The following SHARPIN variants were observed in gnomAD, a reference collection of about 807,000 sequenced individuals.
SHARPIN encodes SHANK associated RH domain interactor, also known as hSIPL1.
In SHARPIN, 25 loss-of-function variants were observed where a neutral mutation model predicts 40.3. That is an observed-to-expected ratio of 0.62 (90% CI 0.45 to 0.87). The LOEUF (loss-of-function observed/expected upper bound fraction) is 0.87, where lower values mean the gene tolerates loss of function less well. Ranked by LOEUF, SHARPIN falls within the 40% of genes least tolerant of loss-of-function variation. The pLI, the probability that SHARPIN is intolerant of heterozygous loss-of-function variation, is 0.00. For missense variants in SHARPIN, 551 were observed against 516.1 expected (o/e 1.07, Z -0.66); for synonymous variants, 274 against 221.8 (o/e 1.24, Z -2.09).
In SHARPIN at chr8:144,103,075, C is replaced by T; in HGVS notation, c.352G>A (p.Gly118Ser). 1 of 1,612,908 alleles carries T rather than the reference C, an allele frequency of 6.2e-7. No homozygotes were observed. Among genetic ancestry groups the T allele is most frequent in the Non-Finnish European group, 8.5e-7 (1 of 1,179,792 alleles). The change falls in exon 2 of 9, where the codon GGT (glycine) becomes AGT (serine). Residue 118 changes from glycine to serine, a missense_variant. By Grantham distance (56) the Gly-to-Ser change is moderately conservative. Coordinates refer to ENST00000398712, the MANE Select transcript of SHARPIN (RefSeq NM_030974.4). ...CCATTCTGTCCTTCCACGGTGGCAC[C>T]TCGGACTAGGACTGCCCACCGCTGA... Reference protein sequence around the residue: ...EAQRWAVLVRGATVEGQNGSK... With the variant: ...EAQRWAVLVRSATVEGQNGSK...
rs117299156 is a variant in SHARPIN at position 144,100,763 on chromosome 8, T to C, written c.377-694A>G. 1.9e-3 allele frequency: 286 copies of C among 152,466 alleles called. 3 individuals are homozygous for C. The East Asian group carries it at 0.043, about 23-fold the overall frequency. The allele number at this position is 152,466 out of a possible 1,614,324, so 9.4% of individuals were successfully genotyped here. On this transcript the variant is annotated intron_variant, in intron 2 of 8. Coordinates refer to ENST00000398712, the MANE Select transcript of SHARPIN (RefSeq NM_030974.4). ...CTCACCTCAGGGTTTGTTTGCTGCT[T>C]CCTTGGTCACATGGTTCATGCCATG...
At chr8:144,101,602 T>TAG (rs57151029) in intron 2 of SHARPIN, among the ~76,000 whole-genome samples, 127,102 of 133,056 alleles carry the variant, frequency 0.96, 61,128 homozygotes, top group East Asian at 1. Flanking sequence ...TTTTTTTTAG[T>TAG]AGTCAGGGTT....
intron 2 of SHARPIN, 29 bp from the exon 3 acceptor site, chr8:144,100,098 T>C: frequency 6.5e-7 from 1 of 1,539,126 alleles, no homozygotes; most frequent in Middle Eastern, 1.8e-4. Context: ...TGTGCTGTGC[T>C]GTGGCCTCTG....
Position 144,103,557 on chromosome 8 carries a change from C to G in SHARPIN, c.197G>C (p.Gly66Ala). Residue 66 changes from glycine to alanine, a missense_variant, in exon 1 of 9, where the codon GGG (glycine) becomes GCG (alanine). Physicochemically the swap from Gly to Ala is moderately conservative, Grantham distance 60. Coordinates refer to ENST00000398712, the MANE Select transcript of SHARPIN (RefSeq NM_030974.4). The part of the protein sequence containing the change: ...FRLELLGAGP[G>A]AVNLEWPLES... The stretch of plus-strand genomic sequence containing the variant: ...GCGCCCTCCGCCCCCACTCACCGCC[C>G]CAGGTCCCGCGCCCAGCAGCTCCAG... The G allele has an allele frequency of 2.0e-6, 3 of 1,531,808 alleles. No homozygotes were observed. Among genetic ancestry groups the G allele is most frequent in the Non-Finnish European group, 1.7e-6 (2 of 1,145,592 alleles). The allele number at this position is 1,531,808 out of a possible 1,614,324, so 94.9% of individuals were successfully genotyped here.
intron 2 of SHARPIN, among the ~76,000 whole-genome samples, chr8:144,101,403 A>ATTTTTT (rs34270727): frequency 6.5e-5 from 6 of 92,418 alleles, no homozygotes; most frequent in Non-Finnish European, 1.2e-4. Context: ...CACTCAGCTA[A>ATTTTTT]TTTTTTTTTT....
intron 1 of SHARPIN, 60 bp downstream of exon 1, chr8:144,103,493 T>C: frequency 2.7e-6 from 4 of 1,496,310 alleles, no homozygotes; most frequent in South Asian, 1.2e-5. Flanking sequence ...GGCCTAACTT[T>C]GGGCTCCGTG....
rs1020444088 is a variant in SHARPIN at position 144,100,182 on chromosome 8, C to T, written c.377-113G>A. On this transcript the variant is annotated intron_variant, in intron 2 of 8. Coordinates refer to ENST00000398712, the MANE Select transcript of SHARPIN (RefSeq NM_030974.4). ...ACCTCAGTCCATGCCAGGGCCCTGC[C>T]TCAGGCCACACTTCTAGCCACACCT... is the stretch of plus-strand genomic sequence containing the variant. 10 of 1,343,108 alleles carry T rather than the reference C, an allele frequency of 7.4e-6. No homozygotes were observed. In the African/African-American group the frequency reaches 1.5e-4, roughly 20 times the overall value. The allele number at this position is 1,343,108 out of a possible 1,614,324, so 83.2% of individuals were successfully genotyped here. A position where few individuals can be genotyped will look rare whatever the true frequency, so the allele number is the denominator to read the frequency against.
chr8:144,098,772 C>T lies in SHARPIN; in HGVS notation c.*29G>A. Reference sequence around the variant, plus strand: ...GATGTCGGACTTGTGAGGGAAGGGCCACTCTCCCCTTGTAACCTGTGGGGG... The same window carrying T: ...GATGTCGGACTTGTGAGGGAAGGGCTACTCTCCCCTTGTAACCTGTGGGGG... On this transcript the variant is annotated 3_prime_UTR_variant, in exon 9 of 9. Coordinates refer to ENST00000398712, the MANE Select transcript of SHARPIN (RefSeq NM_030974.4). The T allele has an allele frequency of 1.2e-6, 1 of 840,690 alleles. No homozygotes were observed. The highest frequency in any genetic ancestry group is 1.8e-6 in the Non-Finnish European group (1 of 550,860). The allele number at this position is 840,690 out of a possible 1,614,324, so 52.1% of individuals were successfully genotyped here.
At chr8:144,102,167 C>A (rs964700933) in intron 2 of SHARPIN, among the ~76,000 whole-genome samples, 1 of 152,154 alleles carries the variant, frequency 6.6e-6, no homozygotes, top group East Asian at 1.9e-4. Flanking sequence ...GAGTTCAAGG[C>A]TCCAGTGAGT....
rs770546108 is a variant in SHARPIN at position 144,099,727 on chromosome 8, G to C, written c.635C>G (p.Ala212Gly). Residue 212 changes from alanine to glycine, a missense_variant, in exon 4 of 9, where the codon GCC (alanine) becomes GGC (glycine). Physicochemically the swap from Ala to Gly is moderately conservative, Grantham distance 60. Transcript: ENST00000398712. Reference protein sequence around the residue: ...RVALSVQLQEACFPPGPIRLQ... With the variant: ...RVALSVQLQEGCFPPGPIRLQ... ...CCTGATGGGGCCAGGTGGGAAGCAG[G>C]CCTCCTGAAGCTGAACACTCAGGGC... 5 of 1,613,380 alleles carry C rather than the reference G, an allele frequency of 3.1e-6. No individual in the cohort carries two copies. In the African/African-American group the frequency reaches 6.7e-5, roughly 22 times the overall value.
chr8:144,098,743 TG>T lies in SHARPIN; in HGVS notation c.*57del. On this transcript the variant is annotated 3_prime_UTR_variant, in exon 9 of 9. Coordinates refer to ENST00000398712, the MANE Select transcript of SHARPIN (RefSeq NM_030974.4). ...AGGTCCCCGGAGTTCAGTGGGGGCC[TG>T]GAGATGTCGGACTTGTGAGGGAAGG... 1 of 639,166 alleles carries T rather than the reference TG, an allele frequency of 1.6e-6. No homozygotes were observed. Among genetic ancestry groups the T allele is most frequent in the Non-Finnish European group, 2.6e-6 (1 of 384,670 alleles). 39.6% of individuals were successfully genotyped at this position (639,166 alleles called of 1,614,324 possible).
chr8:144,102,074 T>G (rs1471034358), intron 2 of SHARPIN, among the ~76,000 whole-genome samples: 4 of 152,108 alleles, frequency 2.6e-5, no homozygotes, highest in Admixed American at 2.0e-4. Context: ...ACTCTTCCAT[T>G]TAAGCAGCCA....
At chr8:144,103,322 G>C (rs184688195) in intron 1 of SHARPIN, 97 bp from the exon 2 acceptor site, 2 of 1,372,930 alleles carry the variant, frequency 1.5e-6, no homozygotes, top group East Asian at 2.4e-5. Context: ...CCATTTACAC[G>C]GTCCTAAGCC....
At position 144,099,363 on chromosome 8, in the gene SHARPIN, G is replaced by A. The variant is rs767558066; in HGVS notation, c.836C>T (p.Pro279Leu). The change falls in exon 6 of 9, where the codon CCT (proline) becomes CTT (leucine). Residue 279 changes from proline (P) to leucine (L), a missense_variant. Pro to Leu is a moderately conservative substitution (Grantham distance 98). Transcript: ENST00000398712. ...RWVIGRCLCV[P>L]ERSLASYGVR... is the part of the protein sequence containing the mutation. ...CCCGTAAGAGGCAAGGCTGCGCTCA[G>A]GCACACACAGGCACCGTCCGATGAC... The A allele has an allele frequency of 1.2e-6, 2 of 1,613,894 alleles. No homozygotes were observed. Among genetic ancestry groups the A allele is most frequent in the East Asian group, 4.5e-5 (2 of 44,902 alleles).
In SHARPIN at chr8:144,099,997, G is replaced by C; in HGVS notation, c.449C>G (p.Ala150Gly). The C allele has an allele frequency of 1.2e-6, 2 of 1,609,578 alleles. No homozygotes were observed. The highest frequency in any genetic ancestry group is 1.7e-6 in the Non-Finnish European group (2 of 1,177,854). The part of the protein sequence containing the change: ...CPVSLPSPPE[A>G]STLKGPPPEA... ...AGGTGGAGGGCCCTTGAGTGTGGAG[G>C]CTTCCGGGGGACTGGGCAGGGAGAC... The change falls in exon 3 of 9, where the codon GCC becomes GGC. Residue 150 changes from alanine to glycine, a missense_variant. Physicochemically the swap from Ala to Gly is moderately conservative, Grantham distance 60 (BLOSUM62 0). Coordinates refer to ENST00000398712, the MANE Select transcript of SHARPIN (RefSeq NM_030974.4).
At position 144,099,912 on chromosome 8, in the gene SHARPIN, C is replaced by T. The variant is rs1564313886; in HGVS notation, c.517+17G>A. ...CTGCTATCCCCGAACCCCCCAACCCCCTCCCCCCACCTGTACCTCTCTCCG... is the reference window on the plus strand; with the variant it reads ...CTGCTATCCCCGAACCCCCCAACCCTCTCCCCCCACCTGTACCTCTCTCCG... On this transcript the variant is annotated intron_variant, in intron 3 of 8. Coordinates refer to ENST00000398712, the MANE Select transcript of SHARPIN (RefSeq NM_030974.4). 5 of 1,605,226 alleles carry T rather than the reference C, an allele frequency of 3.1e-6. No homozygotes were observed. Among genetic ancestry groups the T allele is most frequent in the East Asian group, 2.2e-5 (1 of 44,708 alleles).
rs1336388699 is a variant in SHARPIN, at chr8:144,103,679, G to A, written c.75C>T (p.His25=). 1 of 1,520,752 alleles carries A rather than the reference G, an allele frequency of 6.6e-7. No individual in the cohort carries two copies. The highest frequency in any genetic ancestry group is 8.8e-7 in the Non-Finnish European group (1 of 1,140,994). 94.2% of individuals were successfully genotyped at this position (1,520,752 alleles called of 1,614,324 possible). The change falls in exon 1 of 9, where the codon CAC becomes CAT. Residue 25 remains histidine, a synonymous_variant. Coordinates refer to ENST00000398712, the MANE Select transcript of SHARPIN (RefSeq NM_030974.4). ...CGGCGCCCAGCGGCCTCACCGCGGC[G>A]TGCACAGCCAAGAGCACTGCGGCGG... is the stretch of plus-strand genomic sequence containing the variant. ...LGSAAVLLAV[H]AAVRPLGAGP...
At chr8:144,102,806 C>A in intron 2 of SHARPIN, 1 of 621,214 alleles carries the variant, frequency 1.6e-6, no homozygotes. Context: ...TAAGGAAGTG[C>A]AGGCTGAGGT....
intron 2 of SHARPIN, 163 bp downstream of exon 2, chr8:144,102,888 G>A: frequency 1.2e-6 from 1 of 817,692 alleles, no homozygotes; most frequent in Non-Finnish European, 2.0e-6. Context: ...ACTGACTCCA[G>A]CAGCCACTCC....
Sources: gnomAD v4.1 joint callset for allele counts (sites outside exome capture counted in the v4.1 genomes callset) on GRCh38, gnomAD v4.1.1 for gene constraint, MANE v1.5 for transcripts, NCBI Gene and HGNC (gene_info 2026-07-23, HGNC 2026-07-21) for gene names.